The following ADSL variants were observed in gnomAD, a reference collection of about 807,000 sequenced individuals.
ADSL encodes the protein adenylosuccinate lyase.
Under a neutral mutation model 62.1 loss-of-function variants are expected in ADSL, and 44 were observed. That is an observed-to-expected ratio of 0.71 (90% CI 0.56 to 0.91). The LOEUF is 0.91. Among genes scored for constraint, ADSL ranks in the 40% least tolerant of loss-of-function variants. The pLI is 0.00. For synonymous variants in ADSL, 198 were observed against 220.5 expected, an observed-to-expected ratio of 0.90 and a Z score of 0.90; for missense variants, 531 against 627.4, an observed-to-expected ratio of 0.85 and a Z score of 1.64.
At chr22:40,386,940 AT>A (rs2048562992) in intron 2 of ADSL, among the ~76,000 whole-genome samples, 2 of 151,986 alleles carry the variant, frequency 1.3e-5, no homozygotes, top group African/African-American at 4.8e-5. Flanking sequence ...CACACAAAAA[AT>A]TTTTTTTAGT....
rs761764731 is a variant in ADSL at position 40,364,309 on chromosome 22, T to G, written c.1135T>G (p.Phe379Val). Residue 379 changes from phenylalanine (F) to valine (V), a missense_variant, in exon 11 of 13, where the codon TTC (phenylalanine) becomes GTC (valine). Phe to Val is a conservative substitution (Grantham distance 50, BLOSUM62 -1). Transcript: ENST00000623063. ...IERRIRQELP[F>V]MATENIIMAM... ...ACGGCGCATTCGGCAAGAGCTGCCT[T>G]TCATGGCCACAGAGAACATCATCAT... 6.2e-7 allele frequency: 1 copy of G among 1,614,126 alleles called. No homozygotes were observed. The highest frequency in any genetic ancestry group is 2.2e-5 in the East Asian group (1 of 44,882).
At chr22:40,378,931 T>C (rs2047101638) in intron 2 of ADSL, among the ~76,000 whole-genome samples, 1 of 152,190 alleles carries the variant, frequency 6.6e-6, no homozygotes, top group Non-Finnish European at 1.5e-5. Flanking sequence ...TCACCACCTA[T>C]GTGCTGCTCT....
intron 2 of ADSL, among the ~76,000 whole-genome samples, chr22:40,376,937 A>G (rs1292453499): frequency 1.3e-5 from 2 of 152,216 alleles, no homozygotes; most frequent in Admixed American, 6.5e-5. Context: ...TTTGATTGTC[A>G]TAGGAATAAC....
intron 2 of ADSL, among the ~76,000 whole-genome samples, chr22:40,380,506 A>G (rs1166513747): frequency 6.6e-6 from 1 of 151,956 alleles, no homozygotes; most frequent in Non-Finnish European, 1.5e-5. Context: ...AGTTGGGATT[A>G]GAGGCATGCC....
At chr22:40,365,103 G>C (rs1473720060) in intron 12 of ADSL, 47 bp downstream of exon 12, 6 of 1,569,582 alleles carry the variant, frequency 3.8e-6, no homozygotes, top group Non-Finnish European at 5.3e-6. Flanking sequence ...AGAACCTGGG[G>C]TACTCTCTTT....
intron 3 of ADSL, chr22:40,353,810 T>C (rs1323383070): frequency 3.7e-6 from 1 of 272,268 alleles, no homozygotes; most frequent in Non-Finnish European, 7.1e-6. Flanking sequence ...GTATTTTTAG[T>C]AGAGACGGGG....
intron 2 of ADSL, among the ~76,000 whole-genome samples, chr22:40,384,556 G>A (rs570310225): frequency 1.3e-5 from 2 of 152,176 alleles, no homozygotes; most frequent in South Asian, 2.1e-4. Context: ...CAAGGTGGGC[G>A]GATCACGAGG....
In ADSL at chr22:40,361,484, G is replaced by A; in HGVS notation, c.863-4G>A. On this transcript the variant is annotated splice_region_variant and splice_polypyrimidine_tract_variant and intron_variant, in intron 8 of 12. Coordinates refer to ENST00000623063, the MANE Select transcript of ADSL (RefSeq NM_000026.4). Reference sequence around the variant, plus strand: ...TGCATCTTGTCCTTTTTTTACATGGGCAGGCTCAAGTGCGATGCCATATAA... The same window carrying A: ...TGCATCTTGTCCTTTTTTTACATGGACAGGCTCAAGTGCGATGCCATATAA... 5 of 1,614,146 alleles carry A rather than the reference G, an allele frequency of 3.1e-6. No individual in the cohort carries two copies. The highest frequency in any genetic ancestry group is 4.2e-6 in the Non-Finnish European group (5 of 1,180,046).
chr22:40,352,921 T>C (rs1225961136), intron 2 of ADSL, 152 bp from the exon 3 acceptor site: 7 of 678,766 alleles, frequency 1.0e-5, no homozygotes, highest in Non-Finnish European at 1.9e-5. Context: ...AAGAACAACT[T>C]GTGTTAGTAT....
At chr22:40,374,349 G>A (rs76075068), downstream of ADSL, among the ~76,000 whole-genome samples, 2,472 of 152,352 alleles carry the variant, frequency 0.016, 33 homozygotes, top group Non-Finnish European at 0.024. Flanking sequence ...AATTGGTCTA[G>A]ACTGTAGTGT....
chr22:40,372,115 C>A (rs960540413), downstream of ADSL, among the ~76,000 whole-genome samples: 21 of 118,642 alleles, frequency 1.8e-4, no homozygotes, highest in Admixed American at 7.0e-4. Context: ...CTCCCTGTCC[C>A]CCCCCCCTTT....
chr22:40,381,356 C>G (rs998407880), intron 2 of ADSL, among the ~76,000 whole-genome samples: 1 of 152,010 alleles, frequency 6.6e-6, no homozygotes. Context: ...ACTATGTTGC[C>G]GAGGCTGGTC....
chr22:40,376,839 A>C (rs2046716632), intron 2 of ADSL, among the ~76,000 whole-genome samples: 1 of 152,200 alleles, frequency 6.6e-6, no homozygotes, highest in Non-Finnish European at 1.5e-5. Flanking sequence ...GATTAAATAA[A>C]ATCTATATAA....
downstream of ADSL, among the ~76,000 whole-genome samples, chr22:40,374,059 TCTC>T (rs1283011725): frequency 3.3e-5 from 5 of 152,244 alleles, no homozygotes; most frequent in Admixed American, 6.5e-5. Flanking sequence ...TTTACGCCAT[TCTC>T]CTGCCTCAGC....
intron 1 of ADSL, among the ~76,000 whole-genome samples, chr22:40,349,261 A>G (rs1404722198): frequency 6.6e-6 from 1 of 152,134 alleles, no homozygotes; most frequent in African/African-American, 2.4e-5. Flanking sequence ...CTTTGAGAAG[A>G]TGACATTTGA....
intron 2 of ADSL, among the ~76,000 whole-genome samples, chr22:40,385,543 G>A (rs745580636): frequency 2.0e-5 from 3 of 152,144 alleles, no homozygotes; most frequent in Non-Finnish European, 4.4e-5. Flanking sequence ...CTGAGAGGGC[G>A]GGCAGAAAGA....
chr22:40,354,440 A>G (rs2044471669), intron 4 of ADSL, 113 bp downstream of exon 4: 5 of 882,784 alleles, frequency 5.7e-6, no homozygotes, highest in African/African-American at 3.3e-5. Flanking sequence ...TGATTTAAAT[A>G]TAAGTAATTT....
At chr22:40,363,148 G>A in intron 10 of ADSL, 77 bp downstream of exon 10, 3 of 1,370,016 alleles carry the variant, frequency 2.2e-6, no homozygotes, top group South Asian at 1.2e-5. Context: ...GGGGTGTGTT[G>A]AGGGAGCTGT....
At chr22:40,352,358 C>G (rs572985890) in intron 2 of ADSL, among the ~76,000 whole-genome samples, 15 of 152,152 alleles carry the variant, frequency 9.9e-5, no homozygotes, top group African/African-American at 3.1e-4. Flanking sequence ...GAAACCCTGT[C>G]TCTACTAAAA....
Sources: allele counts gnomAD v4.1 joint callset (sites outside exome capture counted in the v4.1 genomes callset), GRCh38; gene constraint gnomAD v4.1.1; transcripts MANE v1.5; gene names NCBI Gene and HGNC (gene_info 2026-07-23, HGNC 2026-07-21).